The following MTPN variants were observed in gnomAD, a reference collection of about 807,000 sequenced individuals.
The protein encoded by MTPN is granule cell differentiation protein.
In MTPN, 2 loss-of-function variants were observed where a neutral mutation model predicts 13.5. The observed-to-expected ratio is 0.15, with a 90% CI of 0.06 to 0.47. The LOEUF (loss-of-function observed/expected upper bound fraction) is 0.47, where lower values mean the gene tolerates loss of function less well. Among genes scored for constraint, MTPN ranks in the 20% least tolerant of loss-of-function variants. The pLI is 0.97. For synonymous variants in MTPN, 46 were observed against 51.7 expected, an observed-to-expected ratio of 0.89 and a Z score of 0.48; for missense variants, 79 against 137.9, an observed-to-expected ratio of 0.57 and a Z score of 2.14.
intron 1 of MTPN, among the ~76,000 whole-genome samples, chr7:135,969,384 T>C (rs996871256): frequency 6.6e-6 from 1 of 151,828 alleles, no homozygotes; most frequent in African/African-American, 2.4e-5. Context: ...CTTACCAATT[T>C]AGCCATTCTA....
chr7:135,962,268 A>G (rs1002778415), intron 1 of MTPN, among the ~76,000 whole-genome samples: 1 of 151,878 alleles, frequency 6.6e-6, no homozygotes, highest in African/African-American at 2.4e-5. Flanking sequence ...GGGATTAGCA[A>G]AATACCAAAA....
intron 1 of MTPN, chr7:135,960,842 CTT>C (rs1005416412): frequency 6.6e-5 from 10 of 150,602 alleles, no homozygotes; most frequent in African/African-American, 1.9e-4. Context: ...AGAAAAGAAA[CTT>C]AACTTTAGAA....
chr7:135,972,917 C>A (rs546366420), intron 1 of MTPN, among the ~76,000 whole-genome samples: 1 of 151,828 alleles, frequency 6.6e-6, no homozygotes, highest in South Asian at 2.1e-4. Flanking sequence ...CAGACTTGGT[C>A]AGGGAGGATG....
intron 1 of MTPN, among the ~76,000 whole-genome samples, chr7:135,963,184 C>T (rs565577903): frequency 1.3e-5 from 2 of 152,068 alleles, no homozygotes; most frequent in South Asian, 4.1e-4. Context: ...ATTATCCTTC[C>T]CCAATGGGAA....
chr7:135,946,320 CA>C (rs1799287988), intron 3 of MTPN, among the ~76,000 whole-genome samples: 2 of 152,118 alleles, frequency 1.3e-5, no homozygotes. Flanking sequence ...AAAATCTTTT[CA>C]AAAATAAGTG....
intron 3 of MTPN, among the ~76,000 whole-genome samples, chr7:135,930,401 T>A (rs1376364348): frequency 6.6e-6 from 1 of 152,220 alleles, no homozygotes; most frequent in Admixed American, 6.5e-5. Context: ...GACAAATTAT[T>A]TTTTTCTTAT....
chr7:135,934,002 C>T (rs1799071814), intron 3 of MTPN, among the ~76,000 whole-genome samples: 1 of 152,134 alleles, frequency 6.6e-6, no homozygotes, highest in African/African-American at 2.4e-5. Flanking sequence ...TCCCCTTTGC[C>T]TCCTGCCAGG....
In MTPN at chr7:135,977,146, C is replaced by T. The variant is rs775766646; in HGVS notation, c.-46G>A. On this transcript the variant is annotated 5_prime_UTR_variant, in exon 1 of 4. Transcript: ENST00000393085. ...GTTGGCCGGGCAGAAGATGAGGAGG[C>T]GGTGGCAGCAGCAAGCGGATGCCGC... is the stretch of plus-strand genomic sequence containing the variant. 4 of 1,600,420 alleles carry T rather than the reference C, an allele frequency of 2.5e-6. No homozygotes were observed. The highest frequency in any genetic ancestry group is 2.6e-6 in the Non-Finnish European group (3 of 1,168,388).
chr7:135,934,941 A>G (rs985903958), intron 3 of MTPN, among the ~76,000 whole-genome samples: 1 of 152,094 alleles, frequency 6.6e-6, no homozygotes, highest in Non-Finnish European at 1.5e-5. Context: ...TCCAACCTTT[A>G]TTGTCCTCAT....
At chr7:135,946,905 T>C (rs985625234) in intron 3 of MTPN, among the ~76,000 whole-genome samples, 4 of 152,168 alleles carry the variant, frequency 2.6e-5, no homozygotes, top group African/African-American at 9.7e-5. Context: ...CATCAGCTTC[T>C]TCACACTCTC....
intron 3 of MTPN, among the ~76,000 whole-genome samples, chr7:135,934,271 T>C (rs910480853): frequency 1.3e-5 from 2 of 152,136 alleles, no homozygotes; most frequent in Non-Finnish European, 2.9e-5. Context: ...AGCACATAGG[T>C]TGGCAGGGTG....
Position 135,974,466 on chromosome 7 carries a change from G to A in MTPN, c.72+2563C>T, listed in dbSNP as rs192159021. On this transcript the variant is annotated intron_variant, in intron 1 of 3. Coordinates refer to ENST00000393085, the MANE Select transcript of MTPN (RefSeq NM_145808.4). The stretch of plus-strand genomic sequence containing the variant: ...TGAAGTTACAGTGAGCTATGATCAC[G>A]ACACTGCACTCTAGCCTGGGCGACA... Among the ~76,000 whole-genome samples the A allele has an allele frequency of 1.6e-4, 25 of 152,126 alleles. No individual in the cohort carries two copies. The East Asian group carries it at 3.9e-3, about 24-fold the overall frequency.
chr7:135,928,665 G>C lies in MTPN; in HGVS notation c.*1261C>G, dbSNP rs578059846. On this transcript the variant is annotated 3_prime_UTR_variant, in exon 4 of 4. Transcript: ENST00000393085. ...GTACTGCTCATGAAATAAATATTTG[G>C]AAATATGTGTAAATATTTTCTGCAG... is the stretch of plus-strand genomic sequence containing the variant. 201 of 166,856 alleles carry C rather than the reference G, an allele frequency of 1.2e-3. 1 individual carries two copies. The highest frequency in any genetic ancestry group is 1.3e-3 in the Non-Finnish European group (91 of 68,058). The allele number at this position is 166,856 out of a possible 1,614,324, so 10.3% of individuals were successfully genotyped here.
intron 3 of MTPN, among the ~76,000 whole-genome samples, chr7:135,945,871 A>G (rs574795391): frequency 6.6e-6 from 1 of 152,210 alleles, no homozygotes; most frequent in Non-Finnish European, 1.5e-5. Context: ...CTGTTGACTG[A>G]AACGTCATTA....
chr7:135,974,793 G>A (rs965398118), intron 1 of MTPN, among the ~76,000 whole-genome samples: 3 of 152,220 alleles, frequency 2.0e-5, no homozygotes, highest in Non-Finnish European at 2.9e-5. Flanking sequence ...GATGAAAAAT[G>A]TGAGTCAATA....
intron 1 of MTPN, among the ~76,000 whole-genome samples, chr7:135,970,322 C>T (rs1035415131): frequency 1.3e-5 from 2 of 152,154 alleles, no homozygotes; most frequent in African/African-American, 2.4e-5. Context: ...GATTTGTTCA[C>T]AGGCATTGGG....
At chr7:135,945,569 C>G (rs1799277325) in intron 3 of MTPN, among the ~76,000 whole-genome samples, 1 of 152,194 alleles carries the variant, frequency 6.6e-6, no homozygotes, top group Non-Finnish European at 1.5e-5. Flanking sequence ...ATCAATATCA[C>G]TTTTTCCACC....
intron 1 of MTPN, among the ~76,000 whole-genome samples, chr7:135,972,064 T>C (rs567501083): frequency 1.3e-5 from 2 of 152,300 alleles, no homozygotes; most frequent in Admixed American, 6.5e-5. Context: ...TAAAATACGG[T>C]TGCCATTTTT....
chr7:135,957,091 C>T (rs182907129), intron 1 of MTPN, among the ~76,000 whole-genome samples: 71 of 152,236 alleles, frequency 4.7e-4, no homozygotes, highest in African/African-American at 1.6e-3. Context: ...AAATTCAGAA[C>T]CTAGATTGTA....
Sources: gnomAD v4.1 joint callset for allele counts (sites outside exome capture counted in the v4.1 genomes callset) on GRCh38, gnomAD v4.1.1 for gene constraint, MANE v1.5 for transcripts, NCBI Gene and HGNC (gene_info 2026-07-23, HGNC 2026-07-21) for gene names.